LRFN5: variants seen among roughly 807,000 people sequenced by gnomAD.
LRFN5 encodes the protein leucine-rich repeat and fibronectin type-III domain-containing protein 5.
A neutral mutation model predicts 45.6 loss-of-function variants in LRFN5; 24 were observed. That is an observed-to-expected ratio of 0.53 (90% CI 0.38 to 0.74). The LOEUF is 0.74. Ranked by LOEUF, LRFN5 falls within the 30% of genes least tolerant of loss-of-function variation. The pLI is 0.00. For synonymous variants in LRFN5, 340 were observed against 313.8 expected, an observed-to-expected ratio of 1.08 and a Z score of -0.88; for missense variants, 776 against 861.5, an observed-to-expected ratio of 0.90 and a Z score of 1.24.
intron 1 of LRFN5, among the ~76,000 whole-genome samples, chr14:41,705,749 G>T (rs61990333): frequency 2.0e-5 from 3 of 151,946 alleles, no homozygotes; most frequent in Non-Finnish European, 4.4e-5. Flanking sequence ...TATATACAGG[G>T]TTTACACATT....
intron 1 of LRFN5, among the ~76,000 whole-genome samples, chr14:41,681,262 G>T (rs2138685352): frequency 6.6e-6 from 1 of 152,168 alleles, no homozygotes; most frequent in South Asian, 2.1e-4. Flanking sequence ...TTAAGAACAA[G>T]CAGGTTATAG....
chr14:41,695,160 A>G (rs1882551469), intron 1 of LRFN5, among the ~76,000 whole-genome samples: 1 of 151,990 alleles, frequency 6.6e-6, no homozygotes, highest in African/African-American at 2.4e-5. Context: ...GTTAAGCCAA[A>G]GTCTAATCCA....
intron 1 of LRFN5, among the ~76,000 whole-genome samples, chr14:41,685,164 T>C (rs1365577094): frequency 6.6e-6 from 1 of 152,092 alleles, no homozygotes; most frequent in African/African-American, 2.4e-5. Flanking sequence ...AGTGAGGATG[T>C]AGAGAGAAGG....
intron 1 of LRFN5, among the ~76,000 whole-genome samples, chr14:41,671,166 T>C (rs1881190822): frequency 6.6e-6 from 1 of 152,062 alleles, no homozygotes; most frequent in African/African-American, 2.4e-5. Flanking sequence ...CTTTACAAAG[T>C]CATGAAAAGA....
At chr14:41,741,960 A>G (rs982302037) in intron 1 of LRFN5, among the ~76,000 whole-genome samples, 5 of 151,790 alleles carry the variant, frequency 3.3e-5, no homozygotes, top group Non-Finnish European at 7.4e-5. Flanking sequence ...TTGAAACCAC[A>G]ATGAGATATC....
intron 1 of LRFN5, among the ~76,000 whole-genome samples, chr14:41,703,911 A>G (rs1442596050): frequency 1.3e-5 from 2 of 152,058 alleles, no homozygotes; most frequent in African/African-American, 4.8e-5. Flanking sequence ...ATATTTAACA[A>G]TGTCAAGCAG....
At chr14:41,650,156 A>AGGCTGAG (rs1287267252) in intron 1 of LRFN5, among the ~76,000 whole-genome samples, 3 of 150,660 alleles carry the variant, frequency 2.0e-5, no homozygotes, top group Admixed American at 6.6e-5. Context: ...GCACTTTGGG[A>AGGCTGAG]GGCTGAGGTG....
intron 2 of LRFN5, among the ~76,000 whole-genome samples, chr14:41,885,155 CAAAAA>C (rs56318694): frequency 0.034 from 4,462 of 129,362 alleles, 198 homozygotes; most frequent in African/African-American, 0.11. Context: ...CCTGTCTCTA[CAAAAA>C]AAAAAAAAAA....
intron 2 of LRFN5, among the ~76,000 whole-genome samples, chr14:41,844,571 A>G (rs1212349545): frequency 6.6e-6 from 1 of 152,194 alleles, no homozygotes. Context: ...TTAGTTATAT[A>G]AATATCACAT....
intron 2 of LRFN5, among the ~76,000 whole-genome samples, chr14:41,859,906 C>A (rs911947404): frequency 6.6e-6 from 1 of 152,138 alleles, no homozygotes; most frequent in African/African-American, 2.4e-5. Flanking sequence ...CCATTTATCA[C>A]ATCAATCACT....
At chr14:41,712,281 G>T in intron 1 of LRFN5, among the ~76,000 whole-genome samples, 1 of 137,388 alleles carries the variant, frequency 7.3e-6, no homozygotes, top group East Asian at 2.8e-4. Flanking sequence ...AAGGTTTTGG[G>T]CCAGGCGCAG....
intron 1 of LRFN5, among the ~76,000 whole-genome samples, chr14:41,755,861 C>T (rs1445351394): frequency 5.3e-5 from 8 of 152,128 alleles, no homozygotes; most frequent in Non-Finnish European, 8.8e-5. Context: ...TTCTTAGCCT[C>T]GATGGTCTTT....
At chr14:41,858,628 G>A (rs966489) in intron 2 of LRFN5, among the ~76,000 whole-genome samples, 120,168 of 152,100 alleles carry the variant, frequency 0.79, 47,630 homozygotes, top group East Asian at 0.96. Flanking sequence ...TCAATGTCAC[G>A]TGCTTTTCTT....
chr14:41,747,069 G>C (rs890679410), intron 1 of LRFN5, among the ~76,000 whole-genome samples: 2 of 151,930 alleles, frequency 1.3e-5, no homozygotes, highest in African/African-American at 4.8e-5. Context: ...ACATAGATTA[G>C]AAAGAATCCC....
intron 1 of LRFN5, among the ~76,000 whole-genome samples, chr14:41,633,233 A>G (rs1238163756): frequency 6.6e-6 from 1 of 152,092 alleles, no homozygotes; most frequent in Non-Finnish European, 1.5e-5. Flanking sequence ...ATAAGAAAAA[A>G]TATATAGTAC....
At chr14:41,764,886 TCA>T (rs1885815736) in intron 1 of LRFN5, among the ~76,000 whole-genome samples, 6 of 123,646 alleles carry the variant, frequency 4.9e-5, no homozygotes, top group Admixed American at 1.8e-4. Flanking sequence ...ACATATATAT[TCA>T]TATAAATATT....
intron 1 of LRFN5, among the ~76,000 whole-genome samples, chr14:41,732,422 AGACATT>A (rs1884219553): frequency 6.6e-6 from 1 of 152,166 alleles, no homozygotes; most frequent in African/African-American, 2.4e-5. Context: ...TTTGGGAGCC[AGACATT>A]GATAACTAAA....
intron 4 of LRFN5, chr14:41,894,227 A>G (rs1303188777): frequency 1.0e-6 from 1 of 984,866 alleles, no homozygotes; most frequent in East Asian, 1.1e-4. Context: ...AGGTTAACAT[A>G]TGTACTATAA....
At chr14:41,734,316 T>TTTTATATATATATATATATATA (rs1555358693) in intron 1 of LRFN5, among the ~76,000 whole-genome samples, 1 of 38,768 alleles carries the variant, frequency 2.6e-5, no homozygotes, top group Non-Finnish European at 6.9e-5. Context: ...TGGACTGGTT[T>TTTTATATATATATATATATATA]TATATATATA....
Sources: allele counts gnomAD v4.1 joint callset (sites outside exome capture counted in the v4.1 genomes callset), GRCh38; gene constraint gnomAD v4.1.1; transcripts MANE v1.5; gene names NCBI Gene and HGNC (gene_info 2026-07-23, HGNC 2026-07-21).